PHACTR4: variants seen among roughly 807,000 people sequenced by gnomAD.
PHACTR4 encodes the protein protein phosphatase 1, regulatory subunit 124.
PHACTR4 carries 51 observed loss-of-function variants against 72.7 expected under a neutral mutation model. The ratio of observed to expected loss-of-function variants is 0.70; its 90% CI spans 0.56 to 0.89. The LOEUF is 0.89. PHACTR4 is among the 40% of genes least tolerant of loss of function. The pLI, the probability that PHACTR4 is intolerant of heterozygous loss-of-function variation, is 0.00. For synonymous variants in PHACTR4, 255 were observed against 302.5 expected (o/e 0.84, Z 1.63); for missense variants, 731 against 861.8 (o/e 0.85, Z 1.90).
rs147299162 is a variant in PHACTR4, at chr1:28,478,331, TG to T, written c.1606+2044del. 8.9e-3 allele frequency among the ~76,000 whole-genome samples: 1,352 copies of T among 152,338 alleles called. 17 individuals are homozygous for T. Among genetic ancestry groups the T allele is most frequent in the African/African-American group, 0.031 (1,292 of 41,574 alleles). On this transcript the variant is annotated intron_variant, in intron 8 of 13. Transcript: ENST00000373839. ...GGACATTTAGTCTGATTCCATATCTTGGGGATTATAAATAGTACTGCAATAA... is the reference window on the plus strand; with the variant it reads ...GGACATTTAGTCTGATTCCATATCTTGGGATTATAAATAGTACTGCAATAA...
At chr1:28,453,609 A>G (rs1658138719) in intron 2 of PHACTR4, 2 of 1,169,946 alleles carry the variant, frequency 1.7e-6, no homozygotes, top group South Asian at 1.3e-5. Flanking sequence ...CTGACCTTCT[A>G]CAGTGAGGTG....
rs1415108750 is a variant in PHACTR4 at position 28,448,751 on chromosome 1, G to A, written c.17-10334G>A. On this transcript the variant is annotated intron_variant, in intron 2 of 13. Transcript: ENST00000373839. ...CACTCCAGCCTGGGCGACAGAGCGA[G>A]ACTCCATCTCAAAAAAAAAAAAAAA... 3.2e-5 allele frequency among the ~76,000 whole-genome samples: 3 copies of A among 93,550 alleles called. No homozygotes were observed. In the Admixed American group the frequency reaches 4.6e-4, roughly 14 times the overall value. The allele number at this position is 93,550 out of a possible 152,430, so 61.4% of individuals were successfully genotyped here.
At chr1:28,477,539 T>C (rs1411459432) in intron 8 of PHACTR4, among the ~76,000 whole-genome samples, 1 of 152,124 alleles carries the variant, frequency 6.6e-6, no homozygotes, top group Non-Finnish European at 1.5e-5. Flanking sequence ...TATTTTGATA[T>C]AAGCATGTGT....
At chr1:28,445,144 G>A (rs1165584318) in intron 2 of PHACTR4, among the ~76,000 whole-genome samples, 2 of 151,340 alleles carry the variant, frequency 1.3e-5, no homozygotes, top group African/African-American at 2.4e-5. Context: ...AGGTAGAGAC[G>A]GGGTTTCACC....
chr1:28,453,761 A>G, intron 2 of PHACTR4: 1 of 1,051,594 alleles, frequency 9.5e-7, no homozygotes, highest in Admixed American at 1.8e-5. Context: ...AGAAATTAAA[A>G]AAAGAGGTTT....
At chr1:28,479,289 A>T (rs1012675477) in intron 8 of PHACTR4, among the ~76,000 whole-genome samples, 6 of 152,012 alleles carry the variant, frequency 3.9e-5, no homozygotes, top group African/African-American at 1.4e-4. Context: ...GCATGGTAGC[A>T]GGCGCCTGTA....
intron 1 of PHACTR4, among the ~76,000 whole-genome samples, chr1:28,396,946 G>T (rs2124225351): frequency 6.6e-6 from 1 of 151,156 alleles, no homozygotes; most frequent in East Asian, 1.9e-4. Flanking sequence ...ACCCGCCTCG[G>T]CCTCCTAAAG....
At chr1:28,444,099 T>G (rs754792588) in intron 2 of PHACTR4, among the ~76,000 whole-genome samples, 2 of 152,084 alleles carry the variant, frequency 1.3e-5, no homozygotes, top group Non-Finnish European at 2.9e-5. Context: ...CACTGGCTAC[T>G]TTTTGTCTTT....
intron 2 of PHACTR4, among the ~76,000 whole-genome samples, chr1:28,431,208 T>C (rs1656242780): frequency 7.5e-6 from 1 of 133,064 alleles, no homozygotes; most frequent in African/African-American, 2.8e-5. Flanking sequence ...TATATATATA[T>C]ATATATAAAC....
chr1:28,450,920 C>T (rs1051501640), intron 2 of PHACTR4, among the ~76,000 whole-genome samples: 1 of 149,624 alleles, frequency 6.7e-6, no homozygotes, highest in Non-Finnish European at 1.5e-5. Context: ...AAGAGATTCT[C>T]ATGCCTCAGC....
At position 28,421,820 on chromosome 1, in the gene PHACTR4, C is replaced by G. The variant is rs576202088; in HGVS notation, c.16+14357C>G. On this transcript the variant is annotated intron_variant, in intron 2 of 13. Transcript: ENST00000373839. ...CTAGGATGGGGAGCTTGGCTTAATA[C>G]TAAAGGTGTGTATTTGTTTAGTTCT... Among the ~76,000 whole-genome samples, 252 of 152,246 alleles carry G rather than the reference C, an allele frequency of 1.7e-3. 1 individual carries two copies. Among genetic ancestry groups the G allele is most frequent in the Non-Finnish European group, 2.8e-3 (188 of 68,002 alleles).
chr1:28,381,012 T>C (rs1299849093), intron 1 of PHACTR4, among the ~76,000 whole-genome samples: 1 of 150,934 alleles, frequency 6.6e-6, no homozygotes, highest in East Asian at 1.9e-4. Flanking sequence ...TTTTGAATTT[T>C]TTTTTTTTTT....
chr1:28,416,447 G>C (rs1466395099), intron 2 of PHACTR4, among the ~76,000 whole-genome samples: 1 of 152,114 alleles, frequency 6.6e-6, no homozygotes, highest in African/African-American at 2.4e-5. Context: ...GGAAAACAGA[G>C]TACACAGGCA....
intron 2 of PHACTR4, among the ~76,000 whole-genome samples, chr1:28,444,330 G>C (rs555928774): frequency 2.6e-4 from 36 of 138,964 alleles, no homozygotes; most frequent in African/African-American, 9.2e-4. Flanking sequence ...CCCTGGTTCA[G>C]GCTGTTCTCC....
At chr1:28,437,050 A>G (rs1400477317) in intron 2 of PHACTR4, among the ~76,000 whole-genome samples, 2 of 152,206 alleles carry the variant, frequency 1.3e-5, no homozygotes, top group African/African-American at 4.8e-5. Flanking sequence ...ATCCTAAAAT[A>G]CTGTTTCTAA....
chr1:28,422,344 C>T (rs1655561576), intron 2 of PHACTR4, among the ~76,000 whole-genome samples: 1 of 152,128 alleles, frequency 6.6e-6, no homozygotes, highest in South Asian at 2.1e-4. Context: ...AAAAACTTTA[C>T]ATCACATTTA....
At chr1:28,483,895 A>G (rs898685724) in intron 9 of PHACTR4, among the ~76,000 whole-genome samples, 1 of 152,096 alleles carries the variant, frequency 6.6e-6, no homozygotes, top group Admixed American at 6.6e-5. Flanking sequence ...AGAACCAAAT[A>G]GTAAATATTT....
At chr1:28,396,194 A>G (rs1170852213) in intron 1 of PHACTR4, among the ~76,000 whole-genome samples, 1 of 152,082 alleles carries the variant, frequency 6.6e-6, no homozygotes, top group Non-Finnish European at 1.5e-5. Flanking sequence ...GGTTTTCTAC[A>G]CTTCCAGATT....
chr1:28,454,308 G>T (rs1199197196), intron 2 of PHACTR4, among the ~76,000 whole-genome samples: 2 of 121,218 alleles, frequency 1.6e-5, no homozygotes, highest in African/African-American at 6.6e-5. Flanking sequence ...ACGGAGTCTC[G>T]CTCTGTCGCC....
Sources: gnomAD v4.1 joint callset for allele counts (sites outside exome capture counted in the v4.1 genomes callset) on GRCh38, gnomAD v4.1.1 for gene constraint, MANE v1.5 for transcripts, NCBI Gene and HGNC (gene_info 2026-07-23, HGNC 2026-07-21) for gene names.